Variants in ADARB1 observed in about 807,000 individuals in gnomAD.
ADARB1 encodes the protein double-stranded RNA-specific editase 1.
ADARB1 carries 10 observed loss-of-function variants against 52.4 expected under a neutral mutation model. The observed-to-expected ratio is 0.19, with a 90% CI of 0.12 to 0.32. ADARB1 has a LOEUF of 0.32. Among genes scored for constraint, ADARB1 ranks in the 10% least tolerant of loss-of-function variants. The pLI, the probability that ADARB1 is intolerant of heterozygous loss-of-function variation, is 1.00. For missense variants in ADARB1, 643 were observed against 922.3 expected (o/e 0.70, Z 3.92); for synonymous variants, 349 against 371.1 (o/e 0.94, Z 0.68).
At chr21:45,159,096 G>A (rs965775942) in intron 2 of ADARB1, among the ~76,000 whole-genome samples, 6 of 152,186 alleles carry the variant, frequency 3.9e-5, no homozygotes, top group Non-Finnish European at 8.8e-5. Flanking sequence ...ATCTGCATTA[G>A]TCTGTTTTCA....
intron 2 of ADARB1, among the ~76,000 whole-genome samples, chr21:45,135,274 G>T (rs2089294243): frequency 6.6e-6 from 1 of 152,356 alleles, no homozygotes. Context: ...ACAGGGCAGA[G>T]AGAGCCCTCC....
rs1208488792 is a variant in ADARB1 at position 45,175,780 on chromosome 21, C to T, written c.79C>T (p.Pro27Ser). ...KENRNLDNVSPKDGSTPGPGE... is the reference protein window; with the variant it reads ...KENRNLDNVSSKDGSTPGPGE... The stretch of plus-strand genomic sequence containing the variant: ...AAACCGCAATCTGGACAACGTGTCC[C>T]CCAAGGATGGCAGCACACCTGGGCC... The change falls in exon 4 of 11, where the codon CCC (proline) becomes TCC (serine). Residue 27 changes from proline (P) to serine (S), a missense_variant. Pro to Ser is a moderately conservative substitution (Grantham distance 74). This residue lies in a region of ADARB1 where 380 missense variants were observed against 446.5 expected (regional missense o/e 0.85). Coordinates refer to ENST00000348831, the MANE Select transcript of ADARB1 (RefSeq NM_001112.4). 3 of 1,614,162 alleles carry T rather than the reference C, an allele frequency of 1.9e-6. No homozygotes were observed. Among genetic ancestry groups the T allele is most frequent in the Admixed American group, 1.7e-5 (1 of 60,018 alleles).
intron 2 of ADARB1, among the ~76,000 whole-genome samples, chr21:45,144,343 G>A (rs1411536226): frequency 2.0e-5 from 3 of 152,140 alleles, no homozygotes; most frequent in Non-Finnish European, 2.9e-5. Context: ...AAATTAATTA[G>A]ATACCAGGAA....
chr21:45,130,597 A>T (rs2088872255), intron 2 of ADARB1, among the ~76,000 whole-genome samples: 1 of 152,210 alleles, frequency 6.6e-6, no homozygotes. Context: ...AAAAATAAAT[A>T]AACATGAAAG....
Position 45,185,174 on chromosome 21 carries a change from C to T in ADARB1, c.1565+83C>T, listed in dbSNP as rs2092061038. The T allele has an allele frequency of 2.0e-6, 3 of 1,517,606 alleles. No homozygotes were observed. The African/African-American group carries it at 4.1e-5, about 21-fold the overall frequency. The allele number at this position is 1,517,606 out of a possible 1,614,324, so 94.0% of individuals were successfully genotyped here. A position where few individuals can be genotyped will look rare whatever the true frequency, so the allele number is the denominator to read the frequency against. ...TTTGCCAACCTCCCTTTTCCACAACCATTTGAATTTTGGCCCCATTTCCCA... is the reference window on the plus strand; with the variant it reads ...TTTGCCAACCTCCCTTTTCCACAACTATTTGAATTTTGGCCCCATTTCCCA... On this transcript the variant is annotated intron_variant, in intron 8 of 10. Transcript: ENST00000348831.
In ADARB1 at chr21:45,104,191, C is replaced by G. The variant is rs118170829; in HGVS notation, c.-219-24211C>G. On this transcript the variant is annotated intron_variant, in intron 1 of 10. Transcript: ENST00000348831. ...GGGCTTCCCCTTTCTTGTCTGTCTC[C>G]TTGTGCCTGGCAGCCTTGGGTATCT... Among the ~76,000 whole-genome samples the G allele has an allele frequency of 6.5e-3, 996 of 152,310 alleles. 26 individuals carry two copies. In the East Asian group the frequency reaches 0.08, roughly 12 times the overall value.
intron 1 of ADARB1, among the ~76,000 whole-genome samples, chr21:45,089,070 C>A (rs376645270): frequency 6.6e-6 from 1 of 152,092 alleles, no homozygotes; most frequent in East Asian, 1.9e-4. Flanking sequence ...GAACAGAAGC[C>A]GGTATTGGTG....
Position 45,223,431 on chromosome 21 carries a change from G to A in ADARB1, c.*1234G>A. 2.0e-6 allele frequency: 2 copies of A among 985,816 alleles called. No individual in the cohort carries two copies. Among genetic ancestry groups the A allele is most frequent in the African/African-American group, 3.5e-5 (2 of 57,362 alleles). 61.1% of individuals were successfully genotyped at this position (985,816 alleles called of 1,614,324 possible). Reference sequence around the variant, plus strand: ...GCCCGGGAGGTCAGGAGCGCGGCGGGCGAGGGCCCTGTGTGGACCACCTCC... The same window carrying A: ...GCCCGGGAGGTCAGGAGCGCGGCGGACGAGGGCCCTGTGTGGACCACCTCC... On this transcript the variant is annotated 3_prime_UTR_variant, in exon 11 of 11. Transcript: ENST00000348831.
intron 1 of ADARB1, among the ~76,000 whole-genome samples, chr21:45,102,103 G>A (rs2087045252): frequency 6.6e-6 from 1 of 152,112 alleles, no homozygotes; most frequent in African/African-American, 2.4e-5. Context: ...TGTTGCCCAG[G>A]CTAGACTTGA....
chr21:45,204,749 AG>A lies in ADARB1; in HGVS notation c.1747+14del, dbSNP rs771748856. On this transcript the variant is annotated intron_variant, in intron 9 of 10. Transcript: ENST00000348831. This position sits in a 1 kb window ranked among gnomAD's most constrained non-coding sequence, Gnocchi z 4.4. ...CCTTTGCTCAGTGGCAAGTATCTCT[AG>A]AGTGTGCTGATTTAATCTCTGTCTT... The A allele has an allele frequency of 1.2e-6, 2 of 1,611,596 alleles. No individual in the cohort carries two copies. Among genetic ancestry groups the A allele is most frequent in the Non-Finnish European group, 1.7e-6 (2 of 1,178,350 alleles).
intron 1 of ADARB1, among the ~76,000 whole-genome samples, chr21:45,104,735 C>T (rs1194740786): frequency 6.6e-6 from 1 of 152,178 alleles, no homozygotes; most frequent in Non-Finnish European, 1.5e-5. Flanking sequence ...AGGGAATTTC[C>T]CTGGCGCTGG....
chr21:45,081,746 C>T (rs1381774588), intron 1 of ADARB1, among the ~76,000 whole-genome samples: 1 of 152,166 alleles, frequency 6.6e-6, no homozygotes, highest in African/African-American at 2.4e-5. Context: ...ATGTGGTACG[C>T]TGAGGCCCAG....
chr21:45,202,007 A>G (rs1477802117), intron 8 of ADARB1, among the ~76,000 whole-genome samples: 1 of 152,172 alleles, frequency 6.6e-6, no homozygotes, highest in African/African-American at 2.4e-5. Context: ...GCTTGGGGAC[A>G]GGTGCAGGGT....
chr21:45,095,228 C>T (rs2123702118), intron 1 of ADARB1, among the ~76,000 whole-genome samples: 2 of 152,386 alleles, frequency 1.3e-5, no homozygotes, highest in East Asian at 1.9e-4. Context: ...CACCAGGAGC[C>T]CTGCAGGTGC....
intron 2 of ADARB1, among the ~76,000 whole-genome samples, chr21:45,141,129 C>T (rs1158430785): frequency 6.6e-6 from 1 of 152,036 alleles, no homozygotes; most frequent in Non-Finnish European, 1.5e-5. Context: ...TCCCAGGAGA[C>T]GGGTGGCAAT....
intron 1 of ADARB1, among the ~76,000 whole-genome samples, chr21:45,075,448 G>A (rs1289078892): frequency 3.3e-5 from 5 of 152,128 alleles, no homozygotes; most frequent in African/African-American, 1.2e-4. Flanking sequence ...CTGCGCCCTG[G>A]ACGGTCCTGC....
At chr21:45,161,662 G>T (rs570649453) in intron 2 of ADARB1, among the ~76,000 whole-genome samples, 1 of 152,202 alleles carries the variant, frequency 6.6e-6, no homozygotes, top group Admixed American at 6.5e-5. Flanking sequence ...AGGCAGACAA[G>T]CTCCTGGGAA....
At chr21:45,109,534 C>G (rs1434879664) in intron 1 of ADARB1, among the ~76,000 whole-genome samples, 1 of 152,226 alleles carries the variant, frequency 6.6e-6, no homozygotes, top group Non-Finnish European at 1.5e-5. Context: ...GCGTCGCCTG[C>G]GTCACCACTT....
intron 2 of ADARB1, among the ~76,000 whole-genome samples, chr21:45,139,220 C>T (rs1479568131): frequency 1.3e-5 from 2 of 152,156 alleles, no homozygotes; most frequent in Non-Finnish European, 2.9e-5. Context: ...TGCTCCCAGC[C>T]TTGTTTGTCT....
Sources: gnomAD v4.1 joint callset for allele counts (sites outside exome capture counted in the v4.1 genomes callset) on GRCh38, gnomAD v4.1.1 for gene constraint, gnomAD v4.1.1 regional missense constraint, Gnocchi (gnomAD v3.1) non-coding constraint, MANE v1.5 for transcripts, NCBI Gene and HGNC (gene_info 2026-07-23, HGNC 2026-07-21) for gene names.